Variants in AVEN observed in about 807,000 individuals in gnomAD.
The protein encoded by AVEN is apoptosis and caspase activation inhibitor.
Under a neutral mutation model 38.1 loss-of-function variants are expected in AVEN, and 41 were observed. The observed-to-expected ratio is 1.08, with a 90% confidence interval of 0.84 to 1.40. AVEN has a LOEUF of 1.40. Among genes scored for constraint, AVEN ranks in the 40% most tolerant of loss-of-function variants. The pLI is 0.00. For missense variants in AVEN, 605 were observed against 438.8 expected (o/e 1.38, Z -3.38); for synonymous variants, 206 against 171.8 (o/e 1.20, Z -1.56).
At chr15:33,866,855 A>G in intron 5 of AVEN, 127 bp from the exon 6 acceptor site, 1 of 670,848 alleles carries the variant, frequency 1.5e-6, no homozygotes, top group South Asian at 2.0e-5. Flanking sequence ...CCCTAAGATG[A>G]TACAGTAATA....
intron 2 of AVEN, among the ~76,000 whole-genome samples, chr15:33,995,973 C>T (rs1010012851): frequency 5.3e-5 from 8 of 152,060 alleles, no homozygotes; most frequent in African/African-American, 9.7e-5. Context: ...TGGACACTTC[C>T]GCCCAAATAC....
chr15:34,039,681 A>AAAGG (rs1444052386), upstream of AVEN, among the ~76,000 whole-genome samples: 11 of 152,296 alleles, frequency 7.2e-5, no homozygotes, highest in Admixed American at 1.3e-4. Context: ...AGATGGCTAG[A>AAAGG]AAGGGCGTCA....
At chr15:34,011,012 A>G (rs1455232144) in intron 1 of AVEN, among the ~76,000 whole-genome samples, 1 of 152,184 alleles carries the variant, frequency 6.6e-6, no homozygotes, top group Admixed American at 6.5e-5. Context: ...AAAGAATTCA[A>G]TGACAGTTTT....
chr15:34,011,567 G>T (rs1298965330), intron 1 of AVEN, among the ~76,000 whole-genome samples: 3 of 152,166 alleles, frequency 2.0e-5, no homozygotes, highest in African/African-American at 7.2e-5. Context: ...TCTAGCAAAA[G>T]AAGTATATAC....
At chr15:33,945,655 A>ACCTCCCGAGTT (rs1894479767) in intron 2 of AVEN, among the ~76,000 whole-genome samples, 1 of 152,040 alleles carries the variant, frequency 6.6e-6, no homozygotes, top group Non-Finnish European at 1.5e-5. Flanking sequence ...GCGCAATCTC[A>ACCTCCCGAGTT]GCTCACTGCA....
intron 2 of AVEN, among the ~76,000 whole-genome samples, chr15:33,924,009 TGTA>T (rs1893515240): frequency 6.6e-6 from 1 of 151,706 alleles, no homozygotes; most frequent in Non-Finnish European, 1.5e-5. Flanking sequence ...TATATTACAA[TGTA>T]ATAATAATAG....
intron 2 of AVEN, among the ~76,000 whole-genome samples, chr15:33,970,911 G>GTC (rs1895610321): frequency 6.6e-6 from 1 of 151,896 alleles, no homozygotes; most frequent in South Asian, 2.1e-4. Context: ...TTTGGTCCTT[G>GTC]TCAGCATCAA....
chr15:34,034,864 C>T (rs147175800), intron 1 of AVEN, among the ~76,000 whole-genome samples: 60 of 152,256 alleles, frequency 3.9e-4, no homozygotes, highest in African/African-American at 1.4e-3. Context: ...CAGTTTCTAA[C>T]CAAATTTGCT....
chr15:33,893,226 G>A (rs980883104), intron 2 of AVEN, among the ~76,000 whole-genome samples: 1 of 152,172 alleles, frequency 6.6e-6, no homozygotes, highest in African/African-American at 2.4e-5. Flanking sequence ...TCTCCTGCCT[G>A]ATTACACCAG....
chr15:33,865,418 A>T, downstream of AVEN: 4 of 530,758 alleles, frequency 7.5e-6, no homozygotes, highest in South Asian at 1.1e-4. Flanking sequence ...ACACTGTGGG[A>T]GAGAACCTGT....
At chr15:33,882,206 CATA>C (rs2153038167) in intron 2 of AVEN, among the ~76,000 whole-genome samples, 1 of 152,260 alleles carries the variant, frequency 6.6e-6, no homozygotes, top group Admixed American at 6.5e-5. Context: ...ATAAAAATCC[CATA>C]ATATTCTACT....
At chr15:33,994,087 AG>A (rs1896837999) in intron 2 of AVEN, among the ~76,000 whole-genome samples, 1 of 152,248 alleles carries the variant, frequency 6.6e-6, no homozygotes, top group Non-Finnish European at 1.5e-5. Context: ...ACCATGGATC[AG>A]TACCGGTCTG....
intron 2 of AVEN, among the ~76,000 whole-genome samples, chr15:33,893,673 G>A (rs1209815562): frequency 6.6e-6 from 1 of 152,116 alleles, no homozygotes; most frequent in African/African-American, 2.4e-5. Flanking sequence ...ATAAAAACTG[G>A]CATCACCACT....
At chr15:33,970,893 C>T (rs887721000) in intron 2 of AVEN, among the ~76,000 whole-genome samples, 1 of 151,846 alleles carries the variant, frequency 6.6e-6, no homozygotes, top group Non-Finnish European at 1.5e-5. Context: ...TACCTTGCTC[C>T]ACCCCAATTT....
Position 33,866,559 on chromosome 15 carries a change from C to G in AVEN, c.*54G>C. 1 of 1,371,816 alleles carries G rather than the reference C, an allele frequency of 7.3e-7. No homozygotes were observed. The highest frequency in any genetic ancestry group is 1.0e-6 in the Non-Finnish European group (1 of 963,612). 85.0% of individuals were successfully genotyped at this position (1,371,816 alleles called of 1,614,324 possible). On this transcript the variant is annotated 3_prime_UTR_variant, in exon 6 of 6. Transcript: ENST00000306730. ...TGGTCCTGAAGGACAGCCTTATGCC[C>G]ACCTGCCGTTAGAAGGCAACCAAGA...
At chr15:34,042,599 C>G (rs1899517430), upstream of AVEN, among the ~76,000 whole-genome samples, 1 of 151,778 alleles carries the variant, frequency 6.6e-6, no homozygotes, top group Non-Finnish European at 1.5e-5. Flanking sequence ...GACGGGGTTT[C>G]TCCATGTTGG....
At chr15:34,023,395 A>G (rs1567473392) in intron 1 of AVEN, among the ~76,000 whole-genome samples, 1 of 152,162 alleles carries the variant, frequency 6.6e-6, no homozygotes, top group Non-Finnish European at 1.5e-5. Context: ...TAATCTTAGT[A>G]ACAGTTGTTG....
At chr15:33,884,722 T>A (rs966867003) in intron 2 of AVEN, among the ~76,000 whole-genome samples, 3 of 152,100 alleles carry the variant, frequency 2.0e-5, no homozygotes, top group Admixed American at 6.5e-5. Context: ...AACAAAGCTA[T>A]CCAGTGAGAG....
chr15:33,858,135 A>G (rs973182658), downstream of AVEN: 11 of 593,396 alleles, frequency 1.9e-5, no homozygotes, highest in Admixed American at 3.1e-5. Flanking sequence ...CACACATCTA[A>G]GCCCCGTGGA....
Sources: gnomAD v4.1 joint callset for allele counts (sites outside exome capture counted in the v4.1 genomes callset) on GRCh38, gnomAD v4.1.1 for gene constraint, MANE v1.5 for transcripts, NCBI Gene and HGNC (gene_info 2026-07-23, HGNC 2026-07-21) for gene names.